PCCA: variants seen among roughly 807,000 people sequenced by gnomAD.
The protein encoded by PCCA is propionyl-CoA carboxylase alpha chain, mitochondrial.
A neutral mutation model predicts 101.3 loss-of-function variants in PCCA; 74 were observed. The ratio of observed to expected loss-of-function variants is 0.73; its 90% CI spans 0.61 to 0.89. The LOEUF is 0.89. Ranked by LOEUF, PCCA falls within the 40% of genes least tolerant of loss-of-function variation. PCCA has a pLI of 0.00. For missense variants in PCCA, 891 were observed against 907.0 expected, an observed-to-expected ratio of 0.98 and a Z score of 0.23; for synonymous variants, 294 against 313.6, an observed-to-expected ratio of 0.94 and a Z score of 0.66.
chr13:100,414,461 T>G (rs1479565480), intron 19 of PCCA, among the ~76,000 whole-genome samples: 1 of 152,196 alleles, frequency 6.6e-6, no homozygotes, highest in African/African-American at 2.4e-5. Context: ...GTGTTACAGT[T>G]TATACTAAAA....
chr13:100,341,973 A>ATATG (rs1555426207), intron 18 of PCCA, among the ~76,000 whole-genome samples: 10 of 121,870 alleles, frequency 8.2e-5, no homozygotes, highest in Non-Finnish European at 1.5e-4. Flanking sequence ...ATATATATAT[A>ATATG]TATATATATG....
intron 1 of PCCA, among the ~76,000 whole-genome samples, chr13:100,090,992 A>AGAG (rs4001007): frequency 0.92 from 140,309 of 152,130 alleles, 64,802 homozygotes; most frequent in East Asian, 0.99. Flanking sequence ...TCTAACAAAC[A>AGAG]GAGATGAATG....
intron 17 of PCCA, among the ~76,000 whole-genome samples, chr13:100,333,053 A>G (rs1282692113): frequency 6.6e-6 from 1 of 152,180 alleles, no homozygotes. Flanking sequence ...ATGTTGTTAT[A>G]TTGCCTCTAA....
At chr13:100,106,577 ATTTT>A (rs1400484381) in intron 2 of PCCA, among the ~76,000 whole-genome samples, 2 of 150,710 alleles carry the variant, frequency 1.3e-5, no homozygotes, top group Admixed American at 6.6e-5. Flanking sequence ...CATCCGGCTA[ATTTT>A]TTTTTGTATT....
chr13:100,380,967 G>A (rs1220183655), intron 19 of PCCA, among the ~76,000 whole-genome samples: 1 of 152,222 alleles, frequency 6.6e-6, no homozygotes, highest in Non-Finnish European at 1.5e-5. Context: ...TGCAATTGCC[G>A]GTAAGCACAT....
chr13:100,285,424 A>G (rs2064530676), intron 12 of PCCA, among the ~76,000 whole-genome samples: 1 of 152,302 alleles, frequency 6.6e-6, no homozygotes, highest in South Asian at 2.1e-4. Flanking sequence ...GGACAACCCC[A>G]CCACCAGTGG....
intron 7 of PCCA, among the ~76,000 whole-genome samples, chr13:100,228,505 T>C (rs2060282856): frequency 6.6e-6 from 1 of 152,074 alleles, no homozygotes; most frequent in African/African-American, 2.4e-5. Flanking sequence ...TTTTAAAGAG[T>C]GTTAAGAATA....
At chr13:100,412,611 C>T (rs1222168016) in intron 19 of PCCA, among the ~76,000 whole-genome samples, 1 of 151,970 alleles carries the variant, frequency 6.6e-6, no homozygotes, top group Non-Finnish European at 1.5e-5. Context: ...CTGATAGTGC[C>T]CTGTATACTC....
chr13:100,128,197 C>A (rs2050153002), intron 4 of PCCA, among the ~76,000 whole-genome samples: 1 of 152,182 alleles, frequency 6.6e-6, no homozygotes, highest in South Asian at 2.1e-4. Flanking sequence ...AGTAGTGGAG[C>A]TGAGATTCAA....
chr13:100,430,576 T>C (rs1209972309), intron 20 of PCCA, among the ~76,000 whole-genome samples: 1 of 152,224 alleles, frequency 6.6e-6, no homozygotes, highest in Admixed American at 6.5e-5. Context: ...CTGCAGTTTA[T>C]CTACTTCCAT....
At chr13:100,159,969 G>A (rs2054281005) in intron 6 of PCCA, among the ~76,000 whole-genome samples, 1 of 152,118 alleles carries the variant, frequency 6.6e-6, no homozygotes, top group Non-Finnish European at 1.5e-5. Context: ...GAATGTTTTT[G>A]TTTTTGGAAA....
At chr13:100,126,033 G>C (rs1168310792) in intron 4 of PCCA, among the ~76,000 whole-genome samples, 1 of 152,206 alleles carries the variant, frequency 6.6e-6, no homozygotes, top group Non-Finnish European at 1.5e-5. Flanking sequence ...AAGCATGTCT[G>C]TGTACGAATT....
At chr13:100,275,668 C>T (rs1375153634) in intron 12 of PCCA, among the ~76,000 whole-genome samples, 1 of 152,060 alleles carries the variant, frequency 6.6e-6, no homozygotes, top group Non-Finnish European at 1.5e-5. Flanking sequence ...TGTCCAATCT[C>T]TGGCCTTTTT....
At chr13:100,468,790 C>T (rs960681873) in intron 21 of PCCA, among the ~76,000 whole-genome samples, 3 of 151,872 alleles carry the variant, frequency 2.0e-5, no homozygotes, top group South Asian at 2.1e-4. Context: ...TTTGGGAGGC[C>T]GAGAGGGGCG....
intron 7 of PCCA, among the ~76,000 whole-genome samples, chr13:100,233,052 A>C (rs1454110460): frequency 6.6e-6 from 1 of 152,186 alleles, no homozygotes; most frequent in African/African-American, 2.4e-5. Flanking sequence ...TTTCTTATTA[A>C]AACACCACCA....
intron 16 of PCCA, among the ~76,000 whole-genome samples, chr13:100,326,930 T>C (rs932206573): frequency 6.6e-5 from 10 of 152,210 alleles, no homozygotes; most frequent in African/African-American, 2.4e-4. Context: ...TCAAAAGTTA[T>C]ATATGGATTT....
chr13:100,114,849 A>G (rs1052334710), intron 4 of PCCA, among the ~76,000 whole-genome samples: 2 of 152,214 alleles, frequency 1.3e-5, no homozygotes, highest in African/African-American at 4.8e-5. Context: ...TACAACCACT[A>G]TAAAGAACAG....
intron 2 of PCCA, among the ~76,000 whole-genome samples, chr13:100,108,653 A>G (rs34499580): frequency 1.3e-3 from 195 of 152,198 alleles, no homozygotes; most frequent in Non-Finnish European, 2.3e-3. Flanking sequence ...ATTTAACACA[A>G]TTTGTTGTGT....
At chr13:100,235,927 TA>T in intron 8 of PCCA, 49 bp downstream of exon 8, 1 of 1,154,772 alleles carries the variant, frequency 8.7e-7, no homozygotes, top group Non-Finnish European at 1.3e-6. Context: ...TTTCAGCAGA[TA>T]CGGTTGAGTC....
Sources: gnomAD v4.1 joint callset for allele counts (sites outside exome capture counted in the v4.1 genomes callset) on GRCh38, gnomAD v4.1.1 for gene constraint, MANE v1.5 for transcripts, NCBI Gene and HGNC (gene_info 2026-07-23, HGNC 2026-07-21) for gene names.